Variants in CELF1 observed in about 807,000 individuals in gnomAD.
The protein encoded by CELF1 is CUGBP Elav-like family member 1.
A neutral mutation model predicts 61.8 loss-of-function variants in CELF1; 10 were observed. That is an observed-to-expected ratio of 0.16 (90% confidence interval 0.10 to 0.27). The LOEUF is 0.27. CELF1 is among the 10% of genes least tolerant of loss of function. The pLI, the probability that CELF1 is intolerant of heterozygous loss-of-function variation, is 1.00. For missense variants in CELF1, 380 were observed against 639.1 expected, an observed-to-expected ratio of 0.59 and a Z score of 4.37; for synonymous variants, 236 against 225.1, an observed-to-expected ratio of 1.05 and a Z score of -0.43.
intron 3 of CELF1, among the ~76,000 whole-genome samples, chr11:47,490,815 T>G (rs926825871): frequency 4.3e-4 from 65 of 152,224 alleles, no homozygotes; most frequent in African/African-American, 1.5e-3. Context: ...TTAAGAATGC[T>G]GAATCTATGA....
intron 2 of CELF1, among the ~76,000 whole-genome samples, chr11:47,559,451 A>C (rs546388651): frequency 1.3e-5 from 2 of 150,116 alleles, no homozygotes; most frequent in South Asian, 4.2e-4. Context: ...TTGATTTCTT[A>C]GGCTCAGGTG....
At position 47,488,891 on chromosome 11, in the gene CELF1, C is replaced by T; in HGVS notation, c.205G>A (p.Val69Met). 2.5e-6 allele frequency: 4 copies of T among 1,599,814 alleles called. No individual in the cohort carries two copies. Among genetic ancestry groups the T allele is most frequent in the Non-Finnish European group, 3.4e-6 (4 of 1,173,768 alleles). Reference protein sequence around the residue: ...LRELFEQYGAVYEINVLRDRS... With the variant: ...LRELFEQYGAMYEINVLRDRS... Reference sequence around the variant, plus strand: ...TCCCTTAGGACGTTGATTTCATACACAGCACCATACTGTTCGAAGAGTTCC... The same window carrying T: ...TCCCTTAGGACGTTGATTTCATACATAGCACCATACTGTTCGAAGAGTTCC... Residue 69 changes from valine to methionine, a missense_variant, in exon 4 of 15, where the codon GTG becomes ATG. Coordinates refer to ENST00000687097, the MANE Select transcript of CELF1 (RefSeq NM_001376376.1).
intron 2 of CELF1, among the ~76,000 whole-genome samples, chr11:47,500,347 C>G (rs771645240): frequency 9.9e-5 from 15 of 152,170 alleles, no homozygotes; most frequent in Non-Finnish European, 1.9e-4. Context: ...TTCAGTAACA[C>G]TCATTAGATG....
chr11:47,536,235 G>A (rs1168369034), intron 1 of CELF1, among the ~76,000 whole-genome samples: 3 of 152,076 alleles, frequency 2.0e-5, no homozygotes, highest in Non-Finnish European at 4.4e-5. Flanking sequence ...TGGGCATGGT[G>A]CCAACGGCCT....
At chr11:47,488,107 A>C (rs2088776644) in intron 4 of CELF1, among the ~76,000 whole-genome samples, 1 of 152,254 alleles carries the variant, frequency 6.6e-6, no homozygotes, top group African/African-American at 2.4e-5. Flanking sequence ...GCTAGTTTCA[A>C]TATGATAATC....
chr11:47,469,157 C>T lies in CELF1; in HGVS notation c.*3073G>A, dbSNP rs1015204721. 9.2e-5 allele frequency: 14 copies of T among 152,222 alleles called. No individual in the cohort carries two copies. Among genetic ancestry groups the T allele is most frequent in the African/African-American group, 2.9e-4 (12 of 41,444 alleles). 9.4% of individuals were successfully genotyped at this position (152,222 alleles called of 1,614,324 possible). A position where few individuals can be genotyped will look rare whatever the true frequency, so the allele number is the denominator to read the frequency against. On this transcript the variant is annotated 3_prime_UTR_variant, in exon 15 of 15. Coordinates refer to ENST00000687097, the MANE Select transcript of CELF1 (RefSeq NM_001376376.1). ...CCTAAGGCTTGGATTTTCCATGAAG[C>T]ACCCAACTCCTAAGAGAAGGTCTCC... is the stretch of plus-strand genomic sequence containing the variant.
At chr11:47,509,015 C>T (rs1035007354) in intron 1 of CELF1, among the ~76,000 whole-genome samples, 1 of 152,078 alleles carries the variant, frequency 6.6e-6, no homozygotes, top group Non-Finnish European at 1.5e-5. Flanking sequence ...GGGATCCGCC[C>T]ACCTCCGCCT....
chr11:47,550,847 T>C (rs1209330153), intron 1 of CELF1, among the ~76,000 whole-genome samples: 1 of 152,182 alleles, frequency 6.6e-6, no homozygotes, highest in African/African-American at 2.4e-5. Flanking sequence ...GTGAGACAGA[T>C]GCTGTTTCTT....
chr11:47,507,932 AGCATTTACTTGCACCT>A (rs918085692), intron 1 of CELF1, among the ~76,000 whole-genome samples: 21 of 152,202 alleles, frequency 1.4e-4, no homozygotes, highest in Admixed American at 2.6e-4. Context: ...ACTTCCTAAA[AGCATTTACTTGCACCT>A]GCCTCTACCA....
At chr11:47,489,110 T>C in intron 3 of CELF1, 86 bp from the exon 4 acceptor site, 1 of 1,148,640 alleles carries the variant, frequency 8.7e-7, no homozygotes, top group Non-Finnish European at 1.2e-6. Flanking sequence ...CTTAACTAGT[T>C]CTGAGAACGT....
chr11:47,496,621 A>G (rs2093149170), intron 3 of CELF1, among the ~76,000 whole-genome samples: 1 of 152,232 alleles, frequency 6.6e-6, no homozygotes. Flanking sequence ...TTTCAGCTGC[A>G]TAGAGTAGGC....
At chr11:47,552,666 C>T (rs1463284657) in intron 1 of CELF1, among the ~76,000 whole-genome samples, 3 of 152,182 alleles carry the variant, frequency 2.0e-5, no homozygotes, top group Non-Finnish European at 4.4e-5. Context: ...ACGGAGCTGG[C>T]CCTGGGCAGG....
intron 1 of CELF1, among the ~76,000 whole-genome samples, chr11:47,541,781 CGAA>C (rs1565904833): frequency 9.6e-5 from 1 of 10,392 alleles, no homozygotes; most frequent in African/African-American, 2.1e-4. Context: ...AAAGAAAGAA[CGAA>C]AGAAAGAACG....
intron 9 of CELF1, 161 bp downstream of exon 9, chr11:47,482,534 A>C (rs772863474): frequency 6.9e-6 from 4 of 581,220 alleles, no homozygotes; most frequent in Non-Finnish European, 8.9e-6. Flanking sequence ...AGAGAGAAAG[A>C]GACTAACAGG....
intron 2 of CELF1, among the ~76,000 whole-genome samples, chr11:47,562,395 G>T (rs148524873): frequency 1.1e-3 from 168 of 151,688 alleles, no homozygotes; most frequent in Middle Eastern, 6.8e-3. Flanking sequence ...CAGGTGTGGT[G>T]GTACGCACCT....
At chr11:47,491,597 A>G (rs1182760735) in intron 3 of CELF1, among the ~76,000 whole-genome samples, 2 of 152,204 alleles carry the variant, frequency 1.3e-5, no homozygotes, top group Non-Finnish European at 2.9e-5. Flanking sequence ...AAGGCTCCCC[A>G]TATTCTTCCA....
intron 1 of CELF1, chr11:47,514,759 GAGGT>G (rs1336547384): frequency 6.6e-6 from 1 of 152,030 alleles, no homozygotes; most frequent in African/African-American, 2.4e-5. Context: ...TTTGGATGCT[GAGGT>G]AGGAAGATTG....
chr11:47,497,646 CGACTGA>C (rs2093358023), intron 3 of CELF1, among the ~76,000 whole-genome samples: 1 of 152,130 alleles, frequency 6.6e-6, no homozygotes, highest in African/African-American at 2.4e-5. Context: ...ATCCATTCCC[CGACTGA>C]CTCTGAGAAT....
chr11:47,494,249 G>T, intron 3 of CELF1: 1 of 305,002 alleles, frequency 3.3e-6, no homozygotes, highest in Non-Finnish European at 4.8e-6. Context: ...AAAGTGGCAA[G>T]TGTTTTAGGG....
Sources: allele counts gnomAD v4.1 joint callset (sites outside exome capture counted in the v4.1 genomes callset), GRCh38; gene constraint gnomAD v4.1.1; transcripts MANE v1.5; gene names NCBI Gene and HGNC (gene_info 2026-07-23, HGNC 2026-07-21).